RNF169: variants seen among roughly 807,000 people sequenced by gnomAD.
RNF169 encodes ring finger protein 169.
Under a neutral mutation model 53.9 loss-of-function variants are expected in RNF169, and 24 were observed. That is an observed-to-expected ratio of 0.45 (90% confidence interval 0.32 to 0.63). The LOEUF is 0.63. Ranked by LOEUF, RNF169 falls within the 20% of genes least tolerant of loss-of-function variation. RNF169 has a pLI of 0.04. For missense variants in RNF169, 883 were observed against 906.2 expected, an observed-to-expected ratio of 0.97 and a Z score of 0.33; for synonymous variants, 396 against 363.5, an observed-to-expected ratio of 1.09 and a Z score of -1.02.
chr11:74,836,887 AAAAG>A lies in RNF169; in HGVS notation c.*158_*161del. The stretch of plus-strand genomic sequence containing the variant: ...GGCCTTTGTAGTCAATATCCAAGGG[AAAAG>A]CATCTCCGTTTCTCTGTGACCCAGG... On this transcript the variant is annotated 3_prime_UTR_variant, in exon 6 of 6. Coordinates refer to ENST00000299563, the MANE Select transcript of RNF169 (RefSeq NM_001098638.2). 1.6e-6 allele frequency: 1 copy of A among 619,660 alleles called. No individual in the cohort carries two copies. The highest frequency in any genetic ancestry group is 3.2e-5 in the Admixed American group (1 of 31,002). 38.4% of individuals were successfully genotyped at this position (619,660 alleles called of 1,614,324 possible). A position where few individuals can be genotyped will look rare whatever the true frequency, so the allele number is the denominator to read the frequency against.
At chr11:74,810,361 G>T in intron 3 of RNF169, 31 bp downstream of exon 3, 3 of 1,608,916 alleles carry the variant, frequency 1.9e-6, no homozygotes, top group Non-Finnish European at 1.7e-6. Context: ...ATGGATACCT[G>T]CCTCAAAAAT....
chr11:74,750,123 A>C (rs1364126066), intron 1 of RNF169, among the ~76,000 whole-genome samples: 1 of 143,704 alleles, frequency 7.0e-6, no homozygotes, highest in Non-Finnish European at 1.6e-5. Flanking sequence ...GCTGGCAATT[A>C]AAAGTCTGTT....
intron 3 of RNF169, among the ~76,000 whole-genome samples, chr11:74,813,097 G>A (rs908391202): frequency 1.3e-5 from 2 of 152,160 alleles, no homozygotes; most frequent in African/African-American, 4.8e-5. Flanking sequence ...GCCTATAGGA[G>A]TTCCTCTTCT....
rs546235199 is a variant in RNF169 at position 74,762,327 on chromosome 11, C to G, written c.502+12945C>G. On this transcript the variant is annotated intron_variant, in intron 1 of 5. Coordinates refer to ENST00000299563, the MANE Select transcript of RNF169 (RefSeq NM_001098638.2). Reference sequence around the variant, plus strand: ...CTCGTCAAAATCATTCTCCATCCAGCTTTGTTCCGTTGCTGGTGAGGAACT... The same window carrying G: ...CTCGTCAAAATCATTCTCCATCCAGGTTTGTTCCGTTGCTGGTGAGGAACT... 9.3e-5 allele frequency among the ~76,000 whole-genome samples: 14 copies of G among 150,874 alleles called. 1 individual carries two copies. The highest frequency in any genetic ancestry group is 4.3e-4 in the South Asian group (2 of 4,694).
chr11:74,789,615 C>G lies in RNF169; in HGVS notation c.503-11C>G, dbSNP rs764055952. The G allele has an allele frequency of 6.3e-7, 1 of 1,591,912 alleles. No individual in the cohort carries two copies. The highest frequency in any genetic ancestry group is 1.1e-5 in the South Asian group (1 of 89,876). On this transcript the variant is annotated splice_polypyrimidine_tract_variant and intron_variant, in intron 1 of 5. Coordinates refer to ENST00000299563, the MANE Select transcript of RNF169 (RefSeq NM_001098638.2). ...CATCTTAAAAAGTATTTTCTTTTCC[C>G]TTTCTTTCAGACTTTATATTCAGAG...
At chr11:74,781,059 A>T (rs555512191) in intron 1 of RNF169, among the ~76,000 whole-genome samples, 1 of 152,332 alleles carries the variant, frequency 6.6e-6, no homozygotes, top group Non-Finnish European at 1.5e-5. Context: ...AAGAACCCTC[A>T]CAGAAAGCTA....
At chr11:74,822,231 G>A (rs1591428182) in intron 4 of RNF169, among the ~76,000 whole-genome samples, 1 of 152,208 alleles carries the variant, frequency 6.6e-6, no homozygotes, top group East Asian at 1.9e-4. Context: ...GCAATTGAGC[G>A]CATAAGCTGT....
Position 74,748,981 on chromosome 11 carries a change from C to G in RNF169, c.101C>G (p.Ala34Gly). The G allele has an allele frequency of 6.7e-7, 1 of 1,495,852 alleles. No individual in the cohort carries two copies. The highest frequency in any genetic ancestry group is 1.3e-5 in the South Asian group (1 of 79,164). The allele number at this position is 1,495,852 out of a possible 1,614,324, so 92.7% of individuals were successfully genotyped here. A position where few individuals can be genotyped will look rare whatever the true frequency, so the allele number is the denominator to read the frequency against. ...RRGRCDETAAAKTGAPGPASG... is the reference protein window; with the variant it reads ...RRGRCDETAAGKTGAPGPASG... Reference sequence around the variant, plus strand: ...GGCCGCTGTGACGAGACGGCGGCAGCTAAGACTGGGGCCCCAGGCCCGGCT... The same window carrying G: ...GGCCGCTGTGACGAGACGGCGGCAGGTAAGACTGGGGCCCCAGGCCCGGCT... Residue 34 changes from alanine (A) to glycine (G), a missense_variant, in exon 1 of 6, where the codon GCT (alanine) becomes GGT (glycine). Around this residue, in one of 3 missense-constraint regions of RNF169, gnomAD observed 313 missense variants for 279.9 expected, o/e 1.12. Transcript: ENST00000299563.
rs1022396675 is a variant in RNF169 at position 74,841,548 on chromosome 11, A to ACT, written c.*4826_*4827dup. ...TTTTTTCCTCTTAAGAAAAAAATTTACTCTCTCTCCTTTGTGAGTAAATGC... is the reference window on the plus strand; with the variant it reads ...TTTTTTCCTCTTAAGAAAAAAATTTACTCTCTCTCTCCTTTGTGAGTAAATGC... On this transcript the variant is annotated 3_prime_UTR_variant, in exon 6 of 6. Transcript: ENST00000299563. The ACT allele has an allele frequency of 6.6e-6, 1 of 152,150 alleles. No homozygotes were observed. The allele number at this position is 152,150 out of a possible 1,614,324, so 9.4% of individuals were successfully genotyped here. A position where few individuals can be genotyped will look rare whatever the true frequency, so the allele number is the denominator to read the frequency against.
In RNF169 at chr11:74,749,471, C is replaced by G. The variant is rs767365818; in HGVS notation, c.502+89C>G. The G allele has an allele frequency of 2.8e-6, 3 of 1,057,732 alleles. No homozygotes were observed. In the East Asian group the frequency reaches 1.3e-4, roughly 44 times the overall value. 65.5% of individuals were successfully genotyped at this position (1,057,732 alleles called of 1,614,324 possible). A position where few individuals can be genotyped will look rare whatever the true frequency, so the allele number is the denominator to read the frequency against. ...GTGAGGGGGTGGAGAGTCCCGGGCC[C>G]TACTCGGGCGGGTGTGGAGAGTTCT... is the stretch of plus-strand genomic sequence containing the variant. On this transcript the variant is annotated intron_variant, in intron 1 of 5. Coordinates refer to ENST00000299563, the MANE Select transcript of RNF169 (RefSeq NM_001098638.2).
At chr11:74,767,489 T>TCC (rs1475821893) in intron 1 of RNF169, among the ~76,000 whole-genome samples, 1 of 152,116 alleles carries the variant, frequency 6.6e-6, no homozygotes, top group Non-Finnish European at 1.5e-5. Flanking sequence ...CACTGCAACC[T>TCC]CCACCTGCCA....
chr11:74,772,652 A>G (rs1170265768), intron 1 of RNF169, among the ~76,000 whole-genome samples: 1 of 152,134 alleles, frequency 6.6e-6, no homozygotes, highest in Non-Finnish European at 1.5e-5. Flanking sequence ...CTCAGCTTCC[A>G]TATTTGTAAG....
rs1292354053 is a variant in RNF169 at position 74,749,336 on chromosome 11, G to A, written c.456G>A (p.Ala152=). The stretch of plus-strand genomic sequence containing the variant: ...GCCGGGACGGGGGCGCGGCTGCCGC[G>A]GGGCCCAGGCCAGAGCAGGAGCCGC... The part of the protein sequence containing the change: ...RPRRDGGAAA[A]GPRPEQEPRA... Residue 152 remains alanine, a synonymous_variant, in exon 1 of 6, where the codon GCG becomes GCA. Coordinates refer to ENST00000299563, the MANE Select transcript of RNF169 (RefSeq NM_001098638.2). 3.3e-6 allele frequency: 4 copies of A among 1,213,958 alleles called. No individual in the cohort carries two copies. The African/African-American group carries it at 4.7e-5, about 14-fold the overall frequency. The allele number at this position is 1,213,958 out of a possible 1,614,324, so 75.2% of individuals were successfully genotyped here.
intron 1 of RNF169, among the ~76,000 whole-genome samples, chr11:74,777,637 T>A (rs1434753663): frequency 6.9e-6 from 1 of 144,036 alleles, no homozygotes; most frequent in Non-Finnish European, 1.5e-5. Flanking sequence ...ATCCTGTTGG[T>A]CTCGGTTGTC....
chr11:74,833,180 AGTGG>A (rs1277421316), intron 4 of RNF169, among the ~76,000 whole-genome samples: 1 of 152,182 alleles, frequency 6.6e-6, no homozygotes, highest in Admixed American at 6.5e-5. Flanking sequence ...AGCCCTTATG[AGTGG>A]GTAGGACATG....
Position 74,835,638 on chromosome 11 carries a change from C to T in RNF169, c.1035C>T (p.Ile345=), listed in dbSNP as rs763488010. 4 of 1,614,182 alleles carry T rather than the reference C, an allele frequency of 2.5e-6. No homozygotes were observed. Among genetic ancestry groups the T allele is most frequent in the East Asian group, 2.2e-5 (1 of 44,884 alleles). Residue 345 remains isoleucine (I), a synonymous_variant, in exon 6 of 6, where the codon ATC becomes ATT. Coordinates refer to ENST00000299563, the MANE Select transcript of RNF169 (RefSeq NM_001098638.2). ...NRCVSAPDLT[I]EKRLPFSSLS... ...GCGTCTCGGCCCCTGACTTAACCAT[C>T]GAAAAGCGTCTACCCTTCAGCTCCC...
intron 1 of RNF169, among the ~76,000 whole-genome samples, chr11:74,775,941 C>T (rs2035326888): frequency 6.6e-6 from 1 of 152,112 alleles, no homozygotes; most frequent in African/African-American, 2.4e-5. Context: ...AGGAAAAATT[C>T]CTAAAAAGCT....
At chr11:74,789,073 CAA>C (rs1174064938) in intron 1 of RNF169, among the ~76,000 whole-genome samples, 1 of 152,148 alleles carries the variant, frequency 6.6e-6, no homozygotes, top group Non-Finnish European at 1.5e-5. Flanking sequence ...CCTACCTTAT[CAA>C]GTGGGTGAAG....
chr11:74,783,028 A>G (rs150003944), intron 1 of RNF169, among the ~76,000 whole-genome samples: 3 of 86,586 alleles, frequency 3.5e-5, no homozygotes, highest in Admixed American at 1.8e-4. Context: ...TGCTGCACTC[A>G]TAGAAAATGA....
Sources: gnomAD v4.1 joint callset for allele counts (sites outside exome capture counted in the v4.1 genomes callset) on GRCh38, gnomAD v4.1.1 for gene constraint, gnomAD v4.1.1 regional missense constraint, MANE v1.5 for transcripts, NCBI Gene and HGNC (gene_info 2026-07-23, HGNC 2026-07-21) for gene names.